Variants in SPAG9 observed in about 807,000 individuals in gnomAD.
SPAG9 encodes the protein C-Jun-amino-terminal kinase-interacting protein 4.
In SPAG9, 35 loss-of-function variants were observed where a neutral mutation model predicts 166.5. The observed-to-expected ratio is 0.21, with a 90% CI of 0.16 to 0.28. The LOEUF is 0.28. SPAG9 is among the 10% of genes least tolerant of loss of function. The pLI is 1.00. For missense variants in SPAG9, 1,235 were observed against 1,603.3 expected (o/e 0.77, Z 3.92); for synonymous variants, 534 against 565.5 (o/e 0.94, Z 0.79).
In SPAG9 at chr17:50,998,134, C is replaced by T. The variant is rs542005718; in HGVS notation, c.1838+310G>A. Among the ~76,000 whole-genome samples, 24 of 147,912 alleles carry T rather than the reference C, an allele frequency of 1.6e-4. 1 individual carries two copies. The highest frequency in any genetic ancestry group is 5.5e-4 in the Admixed American group (8 of 14,470). On this transcript the variant is annotated intron_variant, in intron 15 of 29. Transcript: ENST00000262013. ...TGCAACCCCGCCTCCTGGGTTCAAG[C>T]GATTCTTCTGCCTCAGCCTCCCAAG...
At chr17:51,000,057 C>G (rs929308198) in intron 13 of SPAG9, among the ~76,000 whole-genome samples, 2 of 152,130 alleles carry the variant, frequency 1.3e-5, no homozygotes, top group East Asian at 1.9e-4. Flanking sequence ...TAAAATATTG[C>G]CTTGTAAATT....
chr17:51,058,590 G>A (rs1226802930), intron 2 of SPAG9, among the ~76,000 whole-genome samples: 1 of 152,142 alleles, frequency 6.6e-6, no homozygotes, highest in East Asian at 1.9e-4. Flanking sequence ...TGGGCAGAGG[G>A]GAGTATGCTT....
rs543314138 is a variant in SPAG9, at chr17:50,995,836, T to A, written c.1969-303A>T. 61 of 268,008 alleles carry A rather than the reference T, an allele frequency of 2.3e-4. No homozygotes were observed. The East Asian group carries it at 4.7e-3, about 21-fold the overall frequency. 16.6% of individuals were successfully genotyped at this position (268,008 alleles called of 1,614,324 possible). A position where few individuals can be genotyped will look rare whatever the true frequency, so the allele number is the denominator to read the frequency against. On this transcript the variant is annotated intron_variant, in intron 16 of 29. Coordinates refer to ENST00000262013, the MANE Select transcript of SPAG9 (RefSeq NM_001130528.3). ...AGGCCACCACACCCAGCTAATTTTT[T>A]AAATTTTTTGTAGAGATGAGGTCAT...
At chr17:51,021,868 T>C (rs1231831539) in intron 6 of SPAG9, among the ~76,000 whole-genome samples, 1 of 152,130 alleles carries the variant, frequency 6.6e-6, no homozygotes, top group Non-Finnish European at 1.5e-5. Flanking sequence ...CTCACACCTG[T>C]AATCCCAACA....
At position 50,985,050 on chromosome 17, in the gene SPAG9, G is replaced by A. The variant is rs1650479504; in HGVS notation, c.3021-60C>T. 2.7e-6 allele frequency: 4 copies of A among 1,461,048 alleles called. No homozygotes were observed. The Admixed American group carries it at 6.7e-5, about 25-fold the overall frequency. The allele number at this position is 1,461,048 out of a possible 1,614,324, so 90.5% of individuals were successfully genotyped here. A position where few individuals can be genotyped will look rare whatever the true frequency, so the allele number is the denominator to read the frequency against. ...TTCAGGAATACAGAAGGGACCACAT[G>A]CTACTGAACTAGTTCAAGGCCTCAC... is the stretch of plus-strand genomic sequence containing the variant. On this transcript the variant is annotated intron_variant, in intron 23 of 29. Coordinates refer to ENST00000262013, the MANE Select transcript of SPAG9 (RefSeq NM_001130528.3).
chr17:51,016,035 T>C (rs920981806), intron 8 of SPAG9, among the ~76,000 whole-genome samples: 2 of 152,052 alleles, frequency 1.3e-5, no homozygotes, highest in African/African-American at 4.8e-5. Flanking sequence ...TCAGAAAGTA[T>C]ATAAAAATGA....
At chr17:50,991,490 A>T (rs566995207) in intron 19 of SPAG9, among the ~76,000 whole-genome samples, 1 of 152,032 alleles carries the variant, frequency 6.6e-6, no homozygotes, top group Non-Finnish European at 1.5e-5. Context: ...ATCACACTAA[A>T]AACTTTTATT....
chr17:51,114,000 A>G (rs1026803676), intron 1 of SPAG9, among the ~76,000 whole-genome samples: 1 of 151,616 alleles, frequency 6.6e-6, no homozygotes, highest in Admixed American at 6.6e-5. Flanking sequence ...GTCTCAATCA[A>G]TCAATCAAAA....
intron 1 of SPAG9, among the ~76,000 whole-genome samples, chr17:51,098,059 A>G (rs1489301420): frequency 6.6e-6 from 1 of 152,154 alleles, no homozygotes; most frequent in Non-Finnish European, 1.5e-5. Context: ...CCTGGGCTCA[A>G]GCAATCCACC....
chr17:50,998,843 T>C (rs1174207109), intron 14 of SPAG9, among the ~76,000 whole-genome samples: 2 of 152,226 alleles, frequency 1.3e-5, no homozygotes, highest in African/African-American at 2.4e-5. Flanking sequence ...GGCGGGTGCC[T>C]GTTCTTTAAC....
intron 19 of SPAG9, among the ~76,000 whole-genome samples, chr17:50,992,299 C>T (rs930462318): frequency 2.0e-5 from 3 of 151,956 alleles, no homozygotes; most frequent in Non-Finnish European, 2.9e-5. Flanking sequence ...CTTTTGTGTC[C>T]GACTTATTTC....
chr17:50,989,910 T>C, intron 20 of SPAG9, 38 bp from the exon 21 acceptor site: 2 of 1,571,962 alleles, frequency 1.3e-6, no homozygotes, highest in Non-Finnish European at 8.8e-7. Context: ...AGTCTGGGCT[T>C]TTCTCCTCCA....
intron 1 of SPAG9, among the ~76,000 whole-genome samples, chr17:51,116,049 TC>T (rs1211378461): frequency 2.0e-5 from 3 of 152,034 alleles, no homozygotes; most frequent in Non-Finnish European, 4.4e-5. Context: ...CTTTTTTTTT[TC>T]TTTTTTCTTT....
At chr17:51,009,172 T>A (rs1446916965) in intron 9 of SPAG9, 1 of 452,550 alleles carries the variant, frequency 2.2e-6, no homozygotes, top group South Asian at 1.6e-5. Flanking sequence ...GAAAAATGAA[T>A]GAGAATCTCA....
intron 9 of SPAG9, among the ~76,000 whole-genome samples, chr17:51,011,603 G>A (rs762260554): frequency 3.9e-5 from 6 of 151,938 alleles, no homozygotes; most frequent in South Asian, 2.1e-4. Flanking sequence ...GGCTGGTCTC[G>A]AACTCCTGAC....
At chr17:51,026,071 G>A (rs1474757650) in intron 6 of SPAG9, among the ~76,000 whole-genome samples, 1 of 151,932 alleles carries the variant, frequency 6.6e-6, no homozygotes, top group Admixed American at 6.6e-5. Context: ...AATAATTTGA[G>A]GTCAATCTTG....
At chr17:51,056,519 T>C (rs999900997) in intron 2 of SPAG9, 37 bp from the exon 3 acceptor site, 23 of 1,331,200 alleles carry the variant, frequency 1.7e-5, no homozygotes, top group African/African-American at 2.9e-5. Context: ...CAAAACAAAA[T>C]AAGAAATTTA....
In SPAG9 at chr17:51,021,222, A is replaced by C; in HGVS notation, c.927T>G (p.Asn309Lys). Residue 309 changes from asparagine to lysine, a missense_variant, in exon 7 of 30, where the codon AAT becomes AAG. Physicochemically the swap from Asn to Lys is moderately conservative, Grantham distance 94. Transcript: ENST00000262013. ...CAATGTGTTTGCTTATCTCTGATTT[A>C]TTTGGCGCATCTGTAACCTTCACAA... Reference protein sequence around the residue: ...EGFVKVTDAPNKSEISKHIEV... With the variant: ...EGFVKVTDAPKKSEISKHIEV... 6.2e-7 allele frequency: 1 copy of C among 1,614,050 alleles called. No homozygotes were observed. Among genetic ancestry groups the C allele is most frequent in the Non-Finnish European group, 8.5e-7 (1 of 1,179,978 alleles).
At chr17:51,046,714 CA>C in intron 4 of SPAG9, 1 of 1,535,840 alleles carries the variant, frequency 6.5e-7, no homozygotes, top group South Asian at 1.2e-5. Flanking sequence ...ACACGGGGGC[CA>C]AAGGGGTATC....
Sources: allele counts gnomAD v4.1 joint callset (sites outside exome capture counted in the v4.1 genomes callset), GRCh38; gene constraint gnomAD v4.1.1; transcripts MANE v1.5; gene names NCBI Gene and HGNC (gene_info 2026-07-23, HGNC 2026-07-21).